IL1RAPL1: variants seen among roughly 807,000 people sequenced by gnomAD.
IL1RAPL1 encodes the protein interleukin-1 receptor accessory protein-like 1.
A neutral mutation model predicts 48.4 loss-of-function variants in IL1RAPL1; 3 were observed. The ratio of observed to expected loss-of-function variants is 0.06; its 90% CI spans 0.03 to 0.16. The LOEUF (loss-of-function observed/expected upper bound fraction) is 0.16, where lower values mean the gene tolerates loss of function less well. Among genes scored for constraint, IL1RAPL1 ranks in the 10% least tolerant of loss-of-function variants. The pLI is 1.00. For missense variants in IL1RAPL1, 349 were observed against 530.6 expected (o/e 0.66, Z 3.36); for synonymous variants, 185 against 187.7 (o/e 0.99, Z 0.12).
chrX:29,512,313 T>G (rs1935401393), intron 5 of IL1RAPL1, among the ~76,000 whole-genome samples: 1 of 106,174 alleles, frequency 9.4e-6, no homozygotes, highest in African/African-American at 3.4e-5. Context: ...GAAAAATAGG[T>G]AGGATAAGTA....
intron 5 of IL1RAPL1, among the ~76,000 whole-genome samples, chrX:29,666,820 A>G (rs1926013666): frequency 9.0e-6 from 1 of 111,332 alleles, no homozygotes; most frequent in Non-Finnish European, 1.9e-5. Flanking sequence ...TCACAAGATT[A>G]TATAAACTGA....
chrX:28,908,450 G>A lies in IL1RAPL1; in HGVS notation c.82+119025G>A, dbSNP rs752408162. ...TTCTCTTGAGAATTCTCCTTGACTC[G>A]TGATTTATTTGGAAGTATGTTTAAC... On this transcript the variant is annotated intron_variant, in intron 2 of 10. Coordinates refer to ENST00000378993, the MANE Select transcript of IL1RAPL1 (RefSeq NM_014271.4). Among the ~76,000 whole-genome samples the A allele has an allele frequency of 1.2e-3, 133 of 111,343 alleles. 2 individuals are homozygous for A. Among genetic ancestry groups the A allele is most frequent in the Non-Finnish European group, 4.0e-4 (21 of 52,931 alleles).
rs181060312 is a variant in IL1RAPL1 at position 29,891,739 on chromosome X, T to C, written c.779-25725T>C. ...TAGGAAAAGAAATCTTCCTAGGTTA[T>C]CTTACAGTTATGATTTTTTTAAGTA... On this transcript the variant is annotated intron_variant, in intron 6 of 10. Coordinates refer to ENST00000378993, the MANE Select transcript of IL1RAPL1 (RefSeq NM_014271.4). Among the ~76,000 whole-genome samples, 13 of 111,626 alleles carry C rather than the reference T, an allele frequency of 1.2e-4. No individual in the cohort carries two copies. In the East Asian group the frequency reaches 3.6e-3, roughly 31 times the overall value.
intron 3 of IL1RAPL1, among the ~76,000 whole-genome samples, chrX:29,298,789 G>A (rs1362159509): frequency 8.9e-6 from 1 of 111,783 alleles, no homozygotes; most frequent in Non-Finnish European, 1.9e-5. Context: ...ACTGAATTGT[G>A]TCAGTGTAAT....
chrX:29,276,917 A>G (rs1247664045), intron 2 of IL1RAPL1, among the ~76,000 whole-genome samples: 1 of 112,053 alleles, frequency 8.9e-6, no homozygotes, highest in South Asian at 3.7e-4. Context: ...AGATAGATAT[A>G]GAGATGGCGA....
intron 2 of IL1RAPL1, among the ~76,000 whole-genome samples, chrX:29,089,749 A>AATATATATATAT (rs1159198583): frequency 0.031 from 525 of 16,902 alleles, 23 homozygotes; most frequent in Middle Eastern, 0.048. Context: ...GAGAAATATG[A>AATATATATATAT]ATATATATAT....
chrX:29,469,078 G>C (rs868747078), intron 5 of IL1RAPL1, among the ~76,000 whole-genome samples: 1 of 111,941 alleles, frequency 8.9e-6, no homozygotes, highest in Middle Eastern at 4.6e-3. Flanking sequence ...CATGCCCTGT[G>C]GTGGGAGCAA....
intron 1 of IL1RAPL1, among the ~76,000 whole-genome samples, chrX:28,593,009 A>T (rs903424620): frequency 3.6e-5 from 4 of 111,918 alleles, no homozygotes; most frequent in African/African-American, 1.3e-4. Context: ...TTATTTGACA[A>T]ATTCAGCTAA....
At chrX:29,160,908 G>A (rs753504314) in intron 2 of IL1RAPL1, among the ~76,000 whole-genome samples, 6 of 111,574 alleles carry the variant, frequency 5.4e-5, no homozygotes, top group Non-Finnish European at 9.4e-5. Context: ...ACAGAAATTA[G>A]CCAGGCAGGC....
intron 2 of IL1RAPL1, among the ~76,000 whole-genome samples, chrX:28,914,180 T>C (rs1601956346): frequency 9.0e-6 from 1 of 110,742 alleles, no homozygotes; most frequent in East Asian, 2.9e-4. Flanking sequence ...ACCTAGACAT[T>C]GTGCTGGATC....
chrX:29,513,140 A>G (rs889334946), intron 5 of IL1RAPL1, among the ~76,000 whole-genome samples: 3 of 110,601 alleles, frequency 2.7e-5, no homozygotes, highest in Non-Finnish European at 5.7e-5. Flanking sequence ...GTTATTTATT[A>G]CAAAGTAATA....
At chrX:28,615,282 G>A (rs188277021) in intron 1 of IL1RAPL1, among the ~76,000 whole-genome samples, 197 of 88,826 alleles carry the variant, frequency 2.2e-3, no homozygotes, top group African/African-American at 8.2e-3. Flanking sequence ...TTAATATTAA[G>A]AGAGATCACA....
At chrX:28,667,080 A>G (rs1934888740) in intron 1 of IL1RAPL1, among the ~76,000 whole-genome samples, 1 of 111,992 alleles carries the variant, frequency 8.9e-6, no homozygotes. Context: ...TAAGAAAACC[A>G]TTTTTTATTG....
At chrX:28,809,899 C>T (rs754409459) in intron 2 of IL1RAPL1, among the ~76,000 whole-genome samples, 2 of 107,319 alleles carry the variant, frequency 1.9e-5, no homozygotes, top group Non-Finnish European at 1.9e-5. Flanking sequence ...AAGACTGGTT[C>T]GGGTACAGTT....
intron 2 of IL1RAPL1, among the ~76,000 whole-genome samples, chrX:29,207,338 A>C (rs1036637762): frequency 1.8e-5 from 2 of 112,243 alleles, no homozygotes; most frequent in Non-Finnish European, 3.8e-5. Context: ...ATCCTGGGTC[A>C]TGAAGTCAAA....
At chrX:29,409,754 A>G (rs1201989573) in intron 5 of IL1RAPL1, among the ~76,000 whole-genome samples, 2 of 110,846 alleles carry the variant, frequency 1.8e-5, no homozygotes, top group South Asian at 3.8e-4. Flanking sequence ...GAAAAATTAA[A>G]TATTAATAAT....
chrX:29,112,860 C>T (rs766689101), intron 2 of IL1RAPL1, among the ~76,000 whole-genome samples: 7 of 94,473 alleles, frequency 7.4e-5, no homozygotes, highest in Admixed American at 2.6e-4. Flanking sequence ...AGGGCAGTGG[C>T]GAGATCTCAG....
intron 5 of IL1RAPL1, among the ~76,000 whole-genome samples, chrX:29,666,773 T>TA (rs2147099292): frequency 9.0e-6 from 1 of 111,017 alleles, no homozygotes; most frequent in East Asian, 2.8e-4. Flanking sequence ...GTGCTTTCTG[T>TA]AAAAAACTGT....
chrX:29,355,603 G>A (rs780987374), intron 3 of IL1RAPL1, among the ~76,000 whole-genome samples: 3 of 111,957 alleles, frequency 2.7e-5, no homozygotes, highest in Non-Finnish European at 5.7e-5. Flanking sequence ...AAAAACGAGC[G>A]TGAGATAAAC....
Sources: gnomAD v4.1 joint callset for allele counts (sites outside exome capture counted in the v4.1 genomes callset) on GRCh38, gnomAD v4.1.1 for gene constraint, MANE v1.5 for transcripts, NCBI Gene and HGNC (gene_info 2026-07-23, HGNC 2026-07-21) for gene names.